HDAC9: variants seen among roughly 807,000 people sequenced by gnomAD.
The protein encoded by HDAC9 is histone deacetylase 9.
Under a neutral mutation model 139.4 loss-of-function variants are expected in HDAC9, and 41 were observed. The ratio of observed to expected loss-of-function variants is 0.29; its 90% confidence interval spans 0.23 to 0.38. The LOEUF (loss-of-function observed/expected upper bound fraction) is 0.38, where lower values mean the gene tolerates loss of function less well. Among genes scored for constraint, HDAC9 ranks in the 10% least tolerant of loss-of-function variants. The pLI is 1.00. For missense variants in HDAC9, 1,147 were observed against 1,297.0 expected (o/e 0.88, Z 1.78); for synonymous variants, 517 against 476.2 (o/e 1.09, Z -1.12).
intron 14 of HDAC9, among the ~76,000 whole-genome samples, 171 bp from the exon 15 acceptor site, chr7:18,761,986 C>T (rs961607026): frequency 2.0e-5 from 3 of 152,106 alleles, no homozygotes; most frequent in African/African-American, 7.2e-5. Context: ...CTGAACCTTC[C>T]ATACACTCAT....
At chr7:18,730,905 A>G (rs1785986381) in intron 13 of HDAC9, among the ~76,000 whole-genome samples, 1 of 152,148 alleles carries the variant, frequency 6.6e-6, no homozygotes, top group Non-Finnish European at 1.5e-5. Flanking sequence ...CTACTCTTGC[A>G]CTTTGGAGCC....
At chr7:18,661,470 T>C (rs1387468868) in intron 11 of HDAC9, among the ~76,000 whole-genome samples, 21 of 152,110 alleles carry the variant, frequency 1.4e-4, no homozygotes, top group Admixed American at 1.4e-3. Context: ...CATGAGAATA[T>C]ATAGCTATTT....
At chr7:18,901,959 C>T (rs556698628) in intron 22 of HDAC9, among the ~76,000 whole-genome samples, 1 of 152,288 alleles carries the variant, frequency 6.6e-6, no homozygotes, top group Admixed American at 6.5e-5. Flanking sequence ...TTCTTCTACC[C>T]TTTCAGGAAC....
chr7:18,893,860 C>T lies in HDAC9; in HGVS notation c.2803+19264C>T, dbSNP rs190934581. Among the ~76,000 whole-genome samples the T allele has an allele frequency of 4.2e-4, 64 of 152,186 alleles. No individual in the cohort carries two copies. The East Asian group carries it at 5.2e-3, about 12-fold the overall frequency. Reference sequence around the variant, plus strand: ...TGAAGAGCTGAAGGTGATAAAGGAGCAAGCTGTGAAACTATCATAGGGAGG... The same window carrying T: ...TGAAGAGCTGAAGGTGATAAAGGAGTAAGCTGTGAAACTATCATAGGGAGG... On this transcript the variant is annotated intron_variant, in intron 22 of 25. Transcript: ENST00000686413.
At chr7:18,116,841 AG>A (rs955478216) in intron 1 of HDAC9, among the ~76,000 whole-genome samples, 1 of 152,198 alleles carries the variant, frequency 6.6e-6, no homozygotes. Flanking sequence ...AGGATATTTC[AG>A]GCATTGACTC....
At chr7:18,117,690 C>T (rs1784094629) in intron 1 of HDAC9, among the ~76,000 whole-genome samples, 1 of 152,056 alleles carries the variant, frequency 6.6e-6, no homozygotes, top group South Asian at 2.1e-4. Flanking sequence ...GGAAGGACTC[C>T]ATCCAGAGTC....
intron 2 of HDAC9, among the ~76,000 whole-genome samples, chr7:18,280,852 C>T (rs1024072885): frequency 2.6e-5 from 4 of 152,116 alleles, no homozygotes; most frequent in African/African-American, 7.2e-5. Context: ...ACTTCTTCTT[C>T]CATTTAATCA....
chr7:18,773,364 T>TACACACACAC (rs4043674), intron 16 of HDAC9, among the ~76,000 whole-genome samples: 1 of 142,730 alleles, frequency 7.0e-6, no homozygotes, highest in Non-Finnish European at 1.5e-5. Context: ...AAAAACTGTA[T>TACACACACAC]ACACACACAC....
intron 2 of HDAC9, among the ~76,000 whole-genome samples, chr7:18,260,302 C>CTTTTTTTTTTTTTTTTTTTTT (rs1232603943): frequency 8.5e-6 from 1 of 117,000 alleles, no homozygotes. Context: ...GTGACAGACA[C>CTTTTTTTTTTTTTTTTTTTTT]TTTTTTTTGT....
intron 19 of HDAC9, among the ~76,000 whole-genome samples, chr7:18,832,929 T>C (rs1259662331): frequency 6.6e-6 from 1 of 151,792 alleles, no homozygotes; most frequent in African/African-American, 2.4e-5. Context: ...AGAGACGGGG[T>C]TTCTCCATGT....
intron 12 of HDAC9, among the ~76,000 whole-genome samples, chr7:18,695,216 GC>G (rs1332276753): frequency 1.3e-5 from 2 of 152,086 alleles, no homozygotes; most frequent in Non-Finnish European, 2.9e-5. Context: ...AATGACATCT[GC>G]AGTTGTAGCT....
chr7:18,172,356 C>T (rs986543522), intron 2 of HDAC9, among the ~76,000 whole-genome samples: 1 of 152,036 alleles, frequency 6.6e-6, no homozygotes, highest in African/African-American at 2.4e-5. Flanking sequence ...CTTTATTAGT[C>T]TTGCTAGCAG....
chr7:18,877,958 A>T, intron 22 of HDAC9, among the ~76,000 whole-genome samples: 1 of 152,174 alleles, frequency 6.6e-6, no homozygotes, highest in Non-Finnish European at 1.5e-5. Flanking sequence ...TTTAAGGACC[A>T]AGGCTAAATC....
chr7:18,458,343 G>C (rs532627347), intron 1 of HDAC9, among the ~76,000 whole-genome samples: 1 of 152,242 alleles, frequency 6.6e-6, no homozygotes, highest in Admixed American at 6.5e-5. Context: ...GTGAACTATG[G>C]CTAATGCTTC....
At chr7:18,375,915 A>T (rs1449476383) in intron 1 of HDAC9, among the ~76,000 whole-genome samples, 1 of 152,202 alleles carries the variant, frequency 6.6e-6, no homozygotes, top group Non-Finnish European at 1.5e-5. Flanking sequence ...AAATGAAATC[A>T]TGTTTGTGAA....
chr7:18,592,564 G>A lies in HDAC9; in HGVS notation c.542+922G>A, dbSNP rs997332951. Among the ~76,000 whole-genome samples the A allele has an allele frequency of 2.0e-5, 3 of 152,112 alleles. No homozygotes were observed. The East Asian group carries it at 5.8e-4, about 29-fold the overall frequency. On this transcript the variant is annotated intron_variant, in intron 5 of 25. Coordinates refer to ENST00000686413, the MANE Select transcript of HDAC9 (RefSeq NM_178425.4). The stretch of plus-strand genomic sequence containing the variant: ...ACCATTAAAGATAGGAATAGTACTT[G>A]ATTACTCTGTTATATTAATATTGTA...
intron 17 of HDAC9, among the ~76,000 whole-genome samples, chr7:18,798,032 C>A (rs1326204308): frequency 6.6e-6 from 1 of 152,000 alleles, no homozygotes; most frequent in African/African-American, 2.4e-5. Context: ...TCCCTTTGCA[C>A]CATAATTTAT....
chr7:18,221,778 T>C (rs994179846), intron 2 of HDAC9, among the ~76,000 whole-genome samples: 8 of 152,156 alleles, frequency 5.3e-5, no homozygotes, highest in African/African-American at 1.9e-4. Context: ...CAACTTGATT[T>C]TTTCTGAGGG....
chr7:18,695,248 A>G (rs1177549438), intron 12 of HDAC9, among the ~76,000 whole-genome samples: 1 of 152,202 alleles, frequency 6.6e-6, no homozygotes, highest in African/African-American at 2.4e-5. Context: ...CTCAAGTTAG[A>G]AAAGAATATT....
Sources: gnomAD v4.1 joint callset for allele counts (sites outside exome capture counted in the v4.1 genomes callset) on GRCh38, gnomAD v4.1.1 for gene constraint, MANE v1.5 for transcripts, NCBI Gene and HGNC (gene_info 2026-07-23, HGNC 2026-07-21) for gene names.